NDFIP2: variants seen among roughly 807,000 people sequenced by gnomAD.
NDFIP2 encodes the protein Nedd4 family interacting protein 2.
NDFIP2 carries 19 observed loss-of-function variants against 36.0 expected under a neutral mutation model. The observed-to-expected ratio is 0.53, with a 90% confidence interval of 0.37 to 0.77. The LOEUF (loss-of-function observed/expected upper bound fraction) is 0.77. Among genes scored for constraint, NDFIP2 ranks in the 30% least tolerant of loss-of-function variants. NDFIP2 has a pLI of 0.00. For missense variants in NDFIP2, 446 were observed against 435.8 expected, an observed-to-expected ratio of 1.02 and a Z score of -0.21; for synonymous variants, 181 against 167.7, an observed-to-expected ratio of 1.08 and a Z score of -0.61.
chr13:79,511,084 T>C (rs1268924809), intron 1 of NDFIP2, among the ~76,000 whole-genome samples: 3 of 151,972 alleles, frequency 2.0e-5, no homozygotes, highest in Non-Finnish European at 4.4e-5. Flanking sequence ...TGAATGTTTG[T>C]TTTAGACTTT....
At chr13:79,551,790 G>A (rs1006632816) in intron 7 of NDFIP2, among the ~76,000 whole-genome samples, 2 of 151,150 alleles carry the variant, frequency 1.3e-5, no homozygotes, top group Non-Finnish European at 1.5e-5. Flanking sequence ...ATTGTTCAGC[G>A]GGAGTATCTT....
Position 79,487,507 on chromosome 13 carries a change from A to T in NDFIP2, c.321+5983A>T, listed in dbSNP as rs190481505. On this transcript the variant is annotated intron_variant, in intron 1 of 7. Coordinates refer to ENST00000218652, the MANE Select transcript of NDFIP2 (RefSeq NM_019080.3). The stretch of plus-strand genomic sequence containing the variant: ...CAAATCTTTCTGTAAAGCTGATAGG[A>T]ATGAATATTCTTGTACAAATCTTTT... 2.2e-3 allele frequency among the ~76,000 whole-genome samples: 330 copies of T among 152,314 alleles called. 2 individuals carry two copies. Among genetic ancestry groups the T allele is most frequent in the African/African-American group, 7.3e-3 (303 of 41,572 alleles).
At chr13:79,512,175 A>C (rs986030399) in intron 1 of NDFIP2, among the ~76,000 whole-genome samples, 2 of 152,214 alleles carry the variant, frequency 1.3e-5, no homozygotes, top group Non-Finnish European at 2.9e-5. Flanking sequence ...AATTTGATTA[A>C]GGCAACAAAA....
chr13:79,548,999 T>C (rs936329037), intron 6 of NDFIP2, among the ~76,000 whole-genome samples: 1 of 152,032 alleles, frequency 6.6e-6, no homozygotes, highest in African/African-American at 2.4e-5. Context: ...TAAATCACAT[T>C]ATATCTTTAA....
chr13:79,495,161 T>C (rs1266367701), intron 1 of NDFIP2, among the ~76,000 whole-genome samples: 3 of 151,952 alleles, frequency 2.0e-5, no homozygotes, highest in Admixed American at 6.6e-5. Context: ...TCCAACTTGA[T>C]AATATACTGT....
At chr13:79,542,505 G>GTTTTTTTTTTTTTTTTTTTTTTTTT (rs1454824183) in intron 4 of NDFIP2, among the ~76,000 whole-genome samples, 2 of 149,312 alleles carry the variant, frequency 1.3e-5, no homozygotes, top group African/African-American at 5.0e-5. Flanking sequence ...GTGTTGTTCT[G>GTTTTTTTTTTTTTTTTTTTTTTTTT]TTTTTTGTTT....
chr13:79,512,813 A>G (rs1220037462), intron 1 of NDFIP2, among the ~76,000 whole-genome samples: 1 of 152,130 alleles, frequency 6.6e-6, no homozygotes, highest in African/African-American at 2.4e-5. Context: ...AATCTGTTAC[A>G]CCTAAAAGGT....
At chr13:79,538,397 A>C (rs1011989848) in intron 3 of NDFIP2, among the ~76,000 whole-genome samples, 13 of 152,166 alleles carry the variant, frequency 8.5e-5, no homozygotes, top group Admixed American at 7.2e-4. Context: ...GCCTCATCTG[A>C]GACAAGGCAA....
At chr13:79,545,336 A>T (rs1386113199) in intron 5 of NDFIP2, among the ~76,000 whole-genome samples, 1 of 152,206 alleles carries the variant, frequency 6.6e-6, no homozygotes, top group Non-Finnish European at 1.5e-5. Flanking sequence ...CAGGTTGAGA[A>T]GGGATTAGAT....
At chr13:79,524,408 A>G (rs973407836) in intron 2 of NDFIP2, among the ~76,000 whole-genome samples, 3 of 152,228 alleles carry the variant, frequency 2.0e-5, no homozygotes, top group East Asian at 3.8e-4. Context: ...TGCATCAGCA[A>G]TAGTGATTTC....
At chr13:79,536,388 T>C (rs897307851) in intron 3 of NDFIP2, among the ~76,000 whole-genome samples, 2 of 152,216 alleles carry the variant, frequency 1.3e-5, no homozygotes, top group African/African-American at 4.8e-5. Flanking sequence ...TTTTGTTGTT[T>C]AGTCAATGAC....
intron 2 of NDFIP2, among the ~76,000 whole-genome samples, chr13:79,522,311 C>T (rs1327335062): frequency 1.3e-5 from 2 of 151,900 alleles, no homozygotes; most frequent in African/African-American, 4.8e-5. Context: ...CAAGTTTTCA[C>T]AATATAATAA....
chr13:79,481,656 T>TA, intron 1 of NDFIP2, 132 bp downstream of exon 1: 2 of 1,155,180 alleles, frequency 1.7e-6, no homozygotes, highest in Non-Finnish European at 2.4e-6. Context: ...TTTTTTTGGA[T>TA]CTTCTGGCTG....
At chr13:79,507,256 G>T (rs1242743093) in intron 1 of NDFIP2, among the ~76,000 whole-genome samples, 2 of 139,424 alleles carry the variant, frequency 1.4e-5, no homozygotes, top group East Asian at 2.1e-4. Flanking sequence ...TGTGTTTTTT[G>T]TTCTGATTGA....
intron 2 of NDFIP2, among the ~76,000 whole-genome samples, chr13:79,526,153 A>G (rs1169853641): frequency 6.6e-6 from 1 of 152,168 alleles, no homozygotes; most frequent in African/African-American, 2.4e-5. Context: ...GGGAAGTAAA[A>G]ATCAATGCCT....
intron 3 of NDFIP2, among the ~76,000 whole-genome samples, chr13:79,538,141 A>G (rs779246453): frequency 2.0e-5 from 3 of 152,160 alleles, no homozygotes; most frequent in Non-Finnish European, 2.9e-5. Context: ...GCGCCCAGGA[A>G]AATGATGTGA....
At chr13:79,520,090 T>G (rs1199690057) in intron 1 of NDFIP2, among the ~76,000 whole-genome samples, 2 of 152,214 alleles carry the variant, frequency 1.3e-5, no homozygotes, top group Non-Finnish European at 2.9e-5. Flanking sequence ...TGTGAGCCAC[T>G]GTGCCCAGCC....
chr13:79,548,160 TTA>T (rs1307703968), intron 5 of NDFIP2, among the ~76,000 whole-genome samples, 166 bp from the exon 6 acceptor site: 2 of 152,098 alleles, frequency 1.3e-5, no homozygotes, highest in African/African-American at 2.4e-5. Context: ...CTCAAATAAT[TTA>T]TATATGTGTA....
chr13:79,507,919 T>C (rs1008082611), intron 1 of NDFIP2, among the ~76,000 whole-genome samples: 3 of 152,142 alleles, frequency 2.0e-5, no homozygotes, highest in African/African-American at 7.2e-5. Flanking sequence ...GAAGTTGATA[T>C]TTATCATTTT....
Sources: allele counts gnomAD v4.1 joint callset (sites outside exome capture counted in the v4.1 genomes callset), GRCh38; gene constraint gnomAD v4.1.1; transcripts MANE v1.5; gene names NCBI Gene and HGNC (gene_info 2026-07-23, HGNC 2026-07-21).